Variants in NLGN1 observed in about 807,000 individuals in gnomAD.
NLGN1 encodes the protein neuroligin-1.
Under a neutral mutation model 65.5 loss-of-function variants are expected in NLGN1, and 12 were observed. The observed-to-expected ratio is 0.18, with a 90% CI of 0.12 to 0.30. The LOEUF (loss-of-function observed/expected upper bound fraction) is 0.30. NLGN1 is among the 10% of genes least tolerant of loss of function. The probability of loss-of-function intolerance (pLI) is 1.00; values close to 1 mark genes in which losing one functional copy is unlikely to be tolerated. For synonymous variants in NLGN1, 350 were observed against 359.5 expected (o/e 0.97, Z 0.30); for missense variants, 750 against 1,007.1 (o/e 0.74, Z 3.46).
intron 4 of NLGN1, among the ~76,000 whole-genome samples, chr3:173,837,267 G>A (rs989135570): frequency 6.6e-6 from 1 of 152,030 alleles, no homozygotes; most frequent in African/African-American, 2.4e-5. Flanking sequence ...GACAAAAGAT[G>A]TTTTTAAAGT....
chr3:173,657,314 C>T (rs1760203735), intron 3 of NLGN1, among the ~76,000 whole-genome samples: 1 of 151,968 alleles, frequency 6.6e-6, no homozygotes, highest in African/African-American at 2.4e-5. Context: ...ATTCCTGGGG[C>T]ATTTGGGGTT....
intron 4 of NLGN1, among the ~76,000 whole-genome samples, chr3:174,185,417 CTGA>C (rs1465568198): frequency 6.6e-6 from 1 of 152,002 alleles, no homozygotes; most frequent in Non-Finnish European, 1.5e-5. Context: ...TGAAATGTGG[CTGA>C]TGTGACAGAG....
At chr3:173,440,704 C>G (rs1357588653) in intron 2 of NLGN1, among the ~76,000 whole-genome samples, 1 of 152,064 alleles carries the variant, frequency 6.6e-6, no homozygotes, top group Non-Finnish European at 1.5e-5. Flanking sequence ...TGCTGTCATC[C>G]AGGCTTTATT....
intron 3 of NLGN1, among the ~76,000 whole-genome samples, chr3:173,727,603 C>G (rs745805748): frequency 7.2e-5 from 11 of 152,026 alleles, no homozygotes; most frequent in Admixed American, 2.6e-4. Flanking sequence ...TAGCAAAAGC[C>G]AATTTTTAAC....
chr3:173,835,131 A>T (rs1948159), intron 4 of NLGN1, among the ~76,000 whole-genome samples: 111,481 of 152,062 alleles, frequency 0.73, 41,315 homozygotes, highest in African/African-American at 0.8. Flanking sequence ...CTTTGTACAG[A>T]CACAATCTCA....
intron 3 of NLGN1, among the ~76,000 whole-genome samples, chr3:173,729,910 A>G (rs954380316): frequency 1.3e-5 from 2 of 151,890 alleles, no homozygotes; most frequent in Admixed American, 6.6e-5. Flanking sequence ...TTGCATATCT[A>G]TTTGTTTCAG....
intron 4 of NLGN1, among the ~76,000 whole-genome samples, chr3:173,918,067 A>G (rs186876096): frequency 2.0e-4 from 30 of 152,274 alleles, no homozygotes; most frequent in African/African-American, 6.5e-4. Flanking sequence ...TGTATGTAAG[A>G]TGGTTATCAT....
intron 3 of NLGN1, among the ~76,000 whole-genome samples, chr3:173,766,033 T>A (rs1199385230): frequency 6.6e-6 from 1 of 152,034 alleles, no homozygotes; most frequent in Non-Finnish European, 1.5e-5. Flanking sequence ...TATTATTATA[T>A]GGATGCATGC....
chr3:173,985,534 A>T (rs1283091107), intron 4 of NLGN1, among the ~76,000 whole-genome samples: 1 of 152,236 alleles, frequency 6.6e-6, no homozygotes, highest in Admixed American at 6.5e-5. Flanking sequence ...AAGGAATTTT[A>T]AAAGCTTCTC....
At chr3:174,221,245 T>C (rs935517334) in intron 4 of NLGN1, among the ~76,000 whole-genome samples, 1 of 152,096 alleles carries the variant, frequency 6.6e-6, no homozygotes, top group Admixed American at 6.6e-5. Context: ...TAAGTACCAT[T>C]CTAGAAATGA....
chr3:174,072,409 G>C (rs1740092612), intron 4 of NLGN1, among the ~76,000 whole-genome samples: 1 of 152,124 alleles, frequency 6.6e-6, no homozygotes, highest in Non-Finnish European at 1.5e-5. Flanking sequence ...TTTGGCATGA[G>C]GATGAACAGT....
chr3:174,159,423 G>C (rs7633884), intron 4 of NLGN1, among the ~76,000 whole-genome samples: 36,059 of 151,470 alleles, frequency 0.24, 5,105 homozygotes, highest in African/African-American at 0.4. Context: ...AATATTCTAA[G>C]TGTCATATTA....
intron 4 of NLGN1, among the ~76,000 whole-genome samples, chr3:174,031,426 C>T (rs1284051402): frequency 6.6e-6 from 1 of 151,984 alleles, no homozygotes; most frequent in African/African-American, 2.4e-5. Context: ...TGTAAAAATG[C>T]CAATGATCAA....
At chr3:173,580,138 C>A (rs942730013) in intron 2 of NLGN1, among the ~76,000 whole-genome samples, 12 of 152,208 alleles carry the variant, frequency 7.9e-5, no homozygotes, top group Admixed American at 2.0e-4. Context: ...AAAAACCCCA[C>A]CTTTTCTCAA....
chr3:173,451,366 A>C (rs1371322506), intron 2 of NLGN1, among the ~76,000 whole-genome samples: 2 of 152,138 alleles, frequency 1.3e-5, no homozygotes, highest in African/African-American at 2.4e-5. Flanking sequence ...CGGCGGCTGC[A>C]GAACAGTGGA....
intron 2 of NLGN1, among the ~76,000 whole-genome samples, chr3:173,510,350 T>C (rs1253130751): frequency 2.0e-5 from 3 of 150,110 alleles, no homozygotes; most frequent in Non-Finnish European, 4.4e-5. Flanking sequence ...ATCATCACTG[T>C]CTGTATGATT....
intron 4 of NLGN1, among the ~76,000 whole-genome samples, chr3:173,991,468 A>G (rs1193493100): frequency 1.3e-5 from 2 of 152,290 alleles, no homozygotes; most frequent in East Asian, 3.9e-4. Context: ...CTGTGATGAA[A>G]GAAATGTTCT....
chr3:174,018,533 G>T (rs1007271797), intron 4 of NLGN1, among the ~76,000 whole-genome samples: 2 of 152,150 alleles, frequency 1.3e-5, no homozygotes, highest in Non-Finnish European at 2.9e-5. Flanking sequence ...ATGTTCTTCT[G>T]CCATGGCTTC....
At chr3:173,790,333 T>G (rs1352010227) in intron 3 of NLGN1, among the ~76,000 whole-genome samples, 1 of 152,130 alleles carries the variant, frequency 6.6e-6, no homozygotes, top group South Asian at 2.1e-4. Context: ...TGCGTCCATA[T>G]CCTGGCTTCC....
Sources: allele counts gnomAD v4.1 joint callset (sites outside exome capture counted in the v4.1 genomes callset), GRCh38; gene constraint gnomAD v4.1.1; transcripts MANE v1.5; gene names NCBI Gene and HGNC (gene_info 2026-07-23, HGNC 2026-07-21).